CPXM1: variants seen among roughly 807,000 people sequenced by gnomAD.
The protein encoded by CPXM1 is probable carboxypeptidase X1.
In CPXM1, 72 loss-of-function variants were observed where a neutral mutation model predicts 80.4. That is an observed-to-expected ratio of 0.90 (90% CI 0.74 to 1.09). CPXM1 has a LOEUF of 1.09. CPXM1 is among the 50% of genes least tolerant of loss of function. The pLI is 0.00. For synonymous variants in CPXM1, 403 were observed against 405.6 expected, an observed-to-expected ratio of 0.99 and a Z score of 0.08; for missense variants, 892 against 999.4, an observed-to-expected ratio of 0.89 and a Z score of 1.45.
chr20:2,796,303 G>A lies in CPXM1; in HGVS notation c.1186C>T (p.Arg396Cys), dbSNP rs769586671. 5.6e-6 allele frequency: 9 copies of A among 1,613,868 alleles called. No homozygotes were observed. The highest frequency in any genetic ancestry group is 4.5e-5 in the East Asian group (2 of 44,870). Residue 396 changes from arginine (R) to cysteine (C), a missense_variant, in exon 9 of 14, where the codon CGC becomes TGC. By Grantham distance (180) the Arg-to-Cys change is radical (BLOSUM62 -3). Around this residue, in one of 2 missense-constraint regions of CPXM1, gnomAD observed 874 missense variants for 958.4 expected, o/e 0.91. Transcript: ENST00000380605. The surrounding 1 kb of genome is among the most constrained non-coding windows in gnomAD (Gnocchi z 6.8). ...PRVTRLLSEM[R>C]IHLLPSMNPD... ...TTCATGGAGGGCAGCAGGTGAATGC[G>A]CATCTCAGAGAGCAGCCGGGTCACC...
In CPXM1 at chr20:2,795,702, A is replaced by G. The variant is rs1420623997; in HGVS notation, c.1617T>C (p.Ser539=). ...GGCTGGTGTCCTGCATGGCCAGATT[A>G]CTGCCAGCATAGACAGTGCTGAGCC... ...FRWLSTVYAG[S]NLAMQDTSRR... The change falls in exon 11 of 14, where the codon AGT becomes AGC. Residue 539 remains serine, a synonymous_variant. Transcript: ENST00000380605. This position sits in a 1 kb window ranked among gnomAD's most constrained non-coding sequence, Gnocchi z 5.4. The G allele has an allele frequency of 6.2e-7, 1 of 1,613,884 alleles. No homozygotes were observed. Among genetic ancestry groups the G allele is most frequent in the Non-Finnish European group, 8.5e-7 (1 of 1,180,030 alleles).
intron 1 of CPXM1, among the ~76,000 whole-genome samples, 171 bp from the exon 2 acceptor site, chr20:2,799,064 A>T (rs1470308510): frequency 6.6e-6 from 1 of 152,052 alleles, no homozygotes; most frequent in Non-Finnish European, 1.5e-5. Flanking sequence ...CTGCCTCTCC[A>T]GTCACTTCCT....
rs759082888 is a variant in CPXM1 at position 2,795,257 on chromosome 20, G to C, written c.1860+20C>G. ...GCAGGAGTGATTCAGGCAGGCTGGG[G>C]GCCGGGACGCAGATCCGACCTGCTC... On this transcript the variant is annotated intron_variant, in intron 12 of 13. Transcript: ENST00000380605. The surrounding 1 kb of genome is among the most constrained non-coding windows in gnomAD (Gnocchi z 5.4). 2 of 1,610,112 alleles carry C rather than the reference G, an allele frequency of 1.2e-6. No individual in the cohort carries two copies. Among genetic ancestry groups the C allele is most frequent in the Admixed American group, 3.3e-5 (2 of 59,910 alleles).
Position 2,795,458 on chromosome 20 carries a change from C to T in CPXM1, c.1721-42G>A, listed in dbSNP as rs142650829. ...CACTGCTGCCTAAGCAGGCGGGATG[C>T]GGTCCCATCCTCCCGCTACCCTCCC... is the stretch of plus-strand genomic sequence containing the variant. On this transcript the variant is annotated intron_variant, in intron 11 of 13. Coordinates refer to ENST00000380605, the MANE Select transcript of CPXM1 (RefSeq NM_019609.5). This position sits in a 1 kb window ranked among gnomAD's most constrained non-coding sequence, Gnocchi z 5.4. 215 of 1,601,542 alleles carry T rather than the reference C, an allele frequency of 1.3e-4. No homozygotes were observed. The African/African-American group carries it at 2.2e-3, about 16-fold the overall frequency.
intron 1 of CPXM1, 114 bp from the exon 2 acceptor site, chr20:2,799,007 T>C: frequency 9.4e-7 from 1 of 1,063,640 alleles, no homozygotes; most frequent in East Asian, 2.4e-5. Context: ...ACCACCAGGA[T>C]CTAACAGCCT....
rs1019336221 is a variant in CPXM1, at chr20:2,796,935, C to G, written c.921+71G>C. On this transcript the variant is annotated intron_variant, in intron 7 of 13. Coordinates refer to ENST00000380605, the MANE Select transcript of CPXM1 (RefSeq NM_019609.5). The surrounding 1 kb of genome is among the most constrained non-coding windows in gnomAD (Gnocchi z 6.8). ...AGCGCAGTCACAGCAGGTTGTGCCC[C>G]GGTGGGAAGGTGGGAAGGGGACCTG... 1.2e-5 allele frequency: 17 copies of G among 1,421,048 alleles called. No individual in the cohort carries two copies. The highest frequency in any genetic ancestry group is 1.6e-5 in the Non-Finnish European group (16 of 1,011,556). The allele number at this position is 1,421,048 out of a possible 1,614,324, so 88.0% of individuals were successfully genotyped here.
rs971359526 is a variant in CPXM1, at chr20:2,794,719, C to T, written c.1861-80G>A. On this transcript the variant is annotated intron_variant, in intron 12 of 13. Transcript: ENST00000380605. This position sits in a 1 kb window ranked among gnomAD's most constrained non-coding sequence, Gnocchi z 5.2. ...TTAGCTAACTTGCTGGCTCTGTTGC[C>T]CTGCAAACCTGAGCAAAGTGGTAGG... The T allele has an allele frequency of 4.5e-6, 5 of 1,118,488 alleles. No homozygotes were observed. Among genetic ancestry groups the T allele is most frequent in the Non-Finnish European group, 6.7e-6 (5 of 748,158 alleles). The allele number at this position is 1,118,488 out of a possible 1,614,324, so 69.3% of individuals were successfully genotyped here. A position where few individuals can be genotyped will look rare whatever the true frequency, so the allele number is the denominator to read the frequency against.
intron 5 of CPXM1, 111 bp downstream of exon 5, chr20:2,797,856 CT>C: frequency 1.0e-6 from 1 of 958,824 alleles, no homozygotes; most frequent in South Asian, 1.5e-5. Flanking sequence ...CCACACCCCC[CT>C]GGGAAGCCTA....
Position 2,798,030 on chromosome 20 carries a change from G to T in CPXM1, c.619C>A (p.Gln207Lys). ...RYDWVTSYKV[Q>K]FSNDSRTWWG... is the part of the protein sequence containing the mutation. ...CAGGTCCGACTGTCATTGCTGAACT[G>T]GACCTTGTATGATGTGACCCAGTCA... Residue 207 changes from glutamine (Q) to lysine (K), a missense_variant, in exon 5 of 14, where the codon CAG becomes AAG. Physicochemically the swap from Gln to Lys is moderately conservative, Grantham distance 53. This residue lies in a region of CPXM1 where 874 missense variants were observed against 958.4 expected (regional missense o/e 0.91). Transcript: ENST00000380605. The T allele has an allele frequency of 6.2e-7, 1 of 1,614,156 alleles. No individual in the cohort carries two copies. The highest frequency in any genetic ancestry group is 8.5e-7 in the Non-Finnish European group (1 of 1,180,016).
Position 2,800,455 on chromosome 20 carries a change from A to G in CPXM1, c.118T>C (p.Ser40Pro). ...AQPGTTKVPG[S>P]TPALHSSPAQ... ...GGGCTGCTATGCAGGGCCGGGGTCG[A>G]GCCTGGGACCTTGGTGGTCCCGGGC... Residue 40 changes from serine to proline, a missense_variant, in exon 1 of 14, where the codon TCG (serine) becomes CCG (proline). Coordinates refer to ENST00000380605, the MANE Select transcript of CPXM1 (RefSeq NM_019609.5). The G allele has an allele frequency of 6.7e-7, 1 of 1,492,632 alleles. No homozygotes were observed. Among genetic ancestry groups the G allele is most frequent in the Non-Finnish European group, 8.9e-7 (1 of 1,128,420 alleles). 92.5% of individuals were successfully genotyped at this position (1,492,632 alleles called of 1,614,324 possible). A position where few individuals can be genotyped will look rare whatever the true frequency, so the allele number is the denominator to read the frequency against.
chr20:2,797,883 C>T (rs2088526418), intron 5 of CPXM1, 85 bp downstream of exon 5: 4 of 1,261,056 alleles, frequency 3.2e-6, no homozygotes, highest in Non-Finnish European at 4.6e-6. Context: ...GCGTCTATTC[C>T]TTGTCCTCAG....
Position 2,796,937 on chromosome 20 carries a change from G to A in CPXM1, c.921+69C>T. On this transcript the variant is annotated intron_variant, in intron 7 of 13. Transcript: ENST00000380605. This position sits in a 1 kb window ranked among gnomAD's most constrained non-coding sequence, Gnocchi z 6.8. The stretch of plus-strand genomic sequence containing the variant: ...CGCAGTCACAGCAGGTTGTGCCCCG[G>A]TGGGAAGGTGGGAAGGGGACCTGAG... The A allele has an allele frequency of 2.1e-6, 3 of 1,428,232 alleles. No homozygotes were observed. In the South Asian group the frequency reaches 3.5e-5, roughly 17 times the overall value. The allele number at this position is 1,428,232 out of a possible 1,614,324, so 88.5% of individuals were successfully genotyped here.
rs1216096231 is a variant in CPXM1, at chr20:2,795,490, G to A, written c.1721-74C>T. 1.9e-6 allele frequency: 3 copies of A among 1,589,476 alleles called. No individual in the cohort carries two copies. Among genetic ancestry groups the A allele is most frequent in the Non-Finnish European group, 2.6e-6 (3 of 1,163,802 alleles). ...ATCCTCCCGCTACCCTCCCTTCTCT[G>A]AGGGACACTTCAGAGTGGGAACAGA... On this transcript the variant is annotated intron_variant, in intron 11 of 13. Transcript: ENST00000380605. The surrounding 1 kb of genome is among the most constrained non-coding windows in gnomAD (Gnocchi z 5.4).
In CPXM1 at chr20:2,795,252, C is replaced by T. The variant is rs760122188; in HGVS notation, c.1860+25G>A. The T allele has an allele frequency of 6.2e-7, 1 of 1,608,328 alleles. No individual in the cohort carries two copies. The highest frequency in any genetic ancestry group is 2.2e-5 in the East Asian group (1 of 44,796). ...GGACAGCAGGAGTGATTCAGGCAGGCTGGGGGCCGGGACGCAGATCCGACC... is the reference window on the plus strand; with the variant it reads ...GGACAGCAGGAGTGATTCAGGCAGGTTGGGGGCCGGGACGCAGATCCGACC... On this transcript the variant is annotated intron_variant, in intron 12 of 13. Transcript: ENST00000380605. This position sits in a 1 kb window ranked among gnomAD's most constrained non-coding sequence, Gnocchi z 5.4.
Position 2,796,605 on chromosome 20 carries a change from A to C in CPXM1, c.967T>G (p.Tyr323Asp). Reference sequence around the variant, plus strand: ...CCCTGGTAGCTCTTCCCAATGCTGTAGATGCGGGTGATGTTGGGGCATTGC... The same window carrying C: ...CCCTGGTAGCTCTTCCCAATGCTGTCGATGCGGGTGATGTTGGGGCATTGC... ...QEQCPNITRI[Y>D]SIGKSYQGLK... is the part of the protein sequence containing the mutation. The change falls in exon 8 of 14, where the codon TAC becomes GAC. Residue 323 changes from tyrosine to aspartate, a missense_variant. Physicochemically the swap from Tyr to Asp is radical, Grantham distance 160 (BLOSUM62 -3). Around this residue, in one of 2 missense-constraint regions of CPXM1, gnomAD observed 874 missense variants for 958.4 expected, o/e 0.91. Transcript: ENST00000380605. This position sits in a 1 kb window ranked among gnomAD's most constrained non-coding sequence, Gnocchi z 6.8. 1 of 1,614,178 alleles carries C rather than the reference A, an allele frequency of 6.2e-7. No homozygotes were observed. Among genetic ancestry groups the C allele is most frequent in the Non-Finnish European group, 8.5e-7 (1 of 1,180,012 alleles).
At position 2,794,664 on chromosome 20, in the gene CPXM1, C is replaced by T. The variant is rs752581713; in HGVS notation, c.1861-25G>A. The T allele has an allele frequency of 6.3e-7, 1 of 1,577,094 alleles. No individual in the cohort carries two copies. The highest frequency in any genetic ancestry group is 8.7e-7 in the Non-Finnish European group (1 of 1,152,826). Reference sequence around the variant, plus strand: ...CCTGTGTGGGAAGAGGTTATCAGAGCCCTTCCCCTTCGGCAGGATAATGTG... The same window carrying T: ...CCTGTGTGGGAAGAGGTTATCAGAGTCCTTCCCCTTCGGCAGGATAATGTG... On this transcript the variant is annotated intron_variant, in intron 12 of 13. Coordinates refer to ENST00000380605, the MANE Select transcript of CPXM1 (RefSeq NM_019609.5). This position sits in a 1 kb window ranked among gnomAD's most constrained non-coding sequence, Gnocchi z 5.2.
Position 2,794,538 on chromosome 20 carries a change from C to T in CPXM1, c.1962G>A (p.Thr654=), listed in dbSNP as rs1293774540. 13 of 1,613,892 alleles carry T rather than the reference C, an allele frequency of 8.1e-6. No homozygotes were observed. Among genetic ancestry groups the T allele is most frequent in the South Asian group, 1.1e-5 (1 of 91,088 alleles). Residue 654 remains threonine (T), a splice_region_variant and synonymous_variant, in exon 13 of 14, where the codon ACG becomes ACA. Coordinates refer to ENST00000380605, the MANE Select transcript of CPXM1 (RefSeq NM_019609.5). This position sits in a 1 kb window ranked among gnomAD's most constrained non-coding sequence, Gnocchi z 5.2. Reference sequence around the variant, plus strand: ...CCTTGCCCTCCCGGTCAAACACACCCGTGGTCACGTCATGGTTAATCCCAT... The same window carrying T: ...CCTTGCCCTCCCGGTCAAACACACCTGTGGTCACGTCATGGTTAATCCCAT... ...AVDGINHDVT[T]AWGGDYWRLL...
rs776999555 is a variant in CPXM1, at chr20:2,794,442, T to A, written c.1964-11A>T. 5 of 1,613,092 alleles carry A rather than the reference T, an allele frequency of 3.1e-6. No individual in the cohort carries two copies. In the African/African-American group the frequency reaches 5.3e-5, roughly 17 times the overall value. ...AATCCCCGCCCCACGCTGAGGAGAG[T>A]GAAGGGCACGATCAGGACCCAATTA... On this transcript the variant is annotated splice_polypyrimidine_tract_variant and intron_variant, in intron 13 of 13. Coordinates refer to ENST00000380605, the MANE Select transcript of CPXM1 (RefSeq NM_019609.5). This position sits in a 1 kb window ranked among gnomAD's most constrained non-coding sequence, Gnocchi z 5.2.
At position 2,798,547 on chromosome 20, in the gene CPXM1, G is replaced by T; in HGVS notation, c.341-10C>A. The T allele has an allele frequency of 6.2e-7, 1 of 1,610,724 alleles. No homozygotes were observed. Among genetic ancestry groups the T allele is most frequent in the Non-Finnish European group, 8.5e-7 (1 of 1,177,318 alleles). On this transcript the variant is annotated splice_polypyrimidine_tract_variant and intron_variant, in intron 2 of 13. Transcript: ENST00000380605. ...CCCAAAGGAGGACAGCCTGGGGCGGGGATAGAACAGTGAGACAGGACCAGA... is the reference window on the plus strand; with the variant it reads ...CCCAAAGGAGGACAGCCTGGGGCGGTGATAGAACAGTGAGACAGGACCAGA...
Sources: allele counts gnomAD v4.1 joint callset (sites outside exome capture counted in the v4.1 genomes callset), GRCh38; gene constraint gnomAD v4.1.1; regional missense constraint gnomAD v4.1.1; non-coding constraint Gnocchi (gnomAD v3.1); transcripts MANE v1.5; gene names NCBI Gene and HGNC (gene_info 2026-07-23, HGNC 2026-07-21).